Variants in MTMR1 observed in about 807,000 individuals in gnomAD.
The protein encoded by MTMR1 is myotubularin related protein 1.
A neutral mutation model predicts 51.6 loss-of-function variants in MTMR1; 17 were observed. That is an observed-to-expected ratio of 0.33 (90% CI 0.23 to 0.49). The LOEUF is 0.49. MTMR1 is among the 20% of genes least tolerant of loss of function. The pLI is 0.99. For synonymous variants in MTMR1, 201 were observed against 205.6 expected (o/e 0.98, Z 0.19); for missense variants, 386 against 526.9 (o/e 0.73, Z 2.62).
chrX:150,706,632 A>T (rs2041114906), intron 2 of MTMR1, among the ~76,000 whole-genome samples: 1 of 112,293 alleles, frequency 8.9e-6, no homozygotes, highest in African/African-American at 3.2e-5. Context: ...ATTAATGGAG[A>T]CACACAGTGT....
At chrX:150,736,450 C>T in intron 10 of MTMR1, 145 bp from the exon 11 acceptor site, 1 of 472,801 alleles carries the variant, frequency 2.1e-6, no homozygotes, top group Admixed American at 4.2e-5. Flanking sequence ...CTTTTTCCAG[C>T]AGCCCTAGGA....
chrX:150,729,051 C>T (rs1557416877), intron 6 of MTMR1, among the ~76,000 whole-genome samples: 3 of 110,278 alleles, frequency 2.7e-5, no homozygotes, highest in Non-Finnish European at 5.7e-5. Flanking sequence ...TCTCATGACG[C>T]TTGAGTATCT....
rs1180141387 is a variant in MTMR1 at position 150,756,903 on chromosome X, G to A, written c.1857+1038G>A. On this transcript the variant is annotated intron_variant, in intron 15 of 15. Transcript: ENST00000445323. ...TGACCTCAAGTGATCCGCCCGCCTCGGCCTCCCAAAGTGCTGGGATTATGG... is the reference window on the plus strand; with the variant it reads ...TGACCTCAAGTGATCCGCCCGCCTCAGCCTCCCAAAGTGCTGGGATTATGG... 3.6e-5 allele frequency among the ~76,000 whole-genome samples: 4 copies of A among 111,925 alleles called. No homozygotes were observed. In the East Asian group the frequency reaches 8.4e-4, roughly 24 times the overall value.
intron 2 of MTMR1, among the ~76,000 whole-genome samples, chrX:150,703,881 A>AT (rs112350531): frequency 0.41 from 45,517 of 109,691 alleles, 7,392 homozygotes; most frequent in South Asian, 0.59. Flanking sequence ...CAGCAATTAA[A>AT]TTTTTTTAAA....
rs782136965 is a variant in MTMR1 at position 150,747,529 on chromosome X, A to G, written c.1566+3076A>G. Among the ~76,000 whole-genome samples the G allele has an allele frequency of 4.5e-5, 5 of 112,055 alleles. No homozygotes were observed. The South Asian group carries it at 1.9e-3, about 42-fold the overall frequency. On this transcript the variant is annotated intron_variant, in intron 13 of 15. Transcript: ENST00000445323. ...ATGTATTTTCGGAAATCGTACTTTT[A>G]GGTAAAAGGTACAGTTTCCAGGAGA...
At chrX:150,708,304 A>C (rs1274991575) in intron 2 of MTMR1, among the ~76,000 whole-genome samples, 1 of 111,978 alleles carries the variant, frequency 8.9e-6, no homozygotes, top group Non-Finnish European at 1.9e-5. Flanking sequence ...TTTAAAGTTT[A>C]ATTTTAAATA....
At chrX:150,757,225 C>G (rs916308605) in intron 15 of MTMR1, among the ~76,000 whole-genome samples, 2 of 112,178 alleles carry the variant, frequency 1.8e-5, no homozygotes, top group Non-Finnish European at 3.8e-5. Flanking sequence ...ACTATAGTAC[C>G]CCGGCCTGCC....
Position 150,702,159 on chromosome X carries a change from C to T in MTMR1, c.252+2859C>T, listed in dbSNP as rs222402. ...CTGGTCTTGAACTCCTGGGCTCGAG[C>T]GATCCTCCCATCTCGGCCTCCCAAA... On this transcript the variant is annotated intron_variant, in intron 2 of 15. Coordinates refer to ENST00000445323, the MANE Select transcript of MTMR1 (RefSeq NM_001306144.3). Among the ~76,000 whole-genome samples the T allele has an allele frequency of 5.1e-3, 536 of 104,683 alleles. 8 individuals carry two copies. The highest frequency in any genetic ancestry group is 0.018 in the African/African-American group (517 of 28,446). The allele number at this position is 104,683 out of a possible 115,157, so 90.9% of individuals were successfully genotyped here.
intron 2 of MTMR1, among the ~76,000 whole-genome samples, chrX:150,702,048 C>T (rs782457162): frequency 1.0e-4 from 11 of 108,301 alleles, no homozygotes; most frequent in Non-Finnish European, 1.7e-4. Context: ...CACTGCTTTT[C>T]GATCTTTTTT....
intron 15 of MTMR1, among the ~76,000 whole-genome samples, chrX:150,761,726 T>A (rs782432940): frequency 3.6e-5 from 4 of 111,960 alleles, no homozygotes; most frequent in Non-Finnish European, 5.7e-5. Context: ...CTCACTCTGG[T>A]CAGCCTTGCC....
chrX:150,760,778 G>A (rs1218686751), intron 15 of MTMR1, among the ~76,000 whole-genome samples: 1 of 110,138 alleles, frequency 9.1e-6, no homozygotes, highest in Non-Finnish European at 1.9e-5. Flanking sequence ...ACAAAAATTA[G>A]CCAGACACAG....
chrX:150,761,644 AT>A (rs1336728315), intron 15 of MTMR1, among the ~76,000 whole-genome samples: 1 of 112,362 alleles, frequency 8.9e-6, no homozygotes, highest in Non-Finnish European at 1.9e-5. Context: ...TACACATGGG[AT>A]CAGAGACAAG....
At chrX:150,706,236 G>A (rs898085455) in intron 2 of MTMR1, among the ~76,000 whole-genome samples, 8 of 110,998 alleles carry the variant, frequency 7.2e-5, no homozygotes, top group Non-Finnish European at 1.1e-4. Flanking sequence ...TCCCAATTAC[G>A]TTCCAAAGGC....
chrX:150,723,083 A>T (rs1306064414), intron 4 of MTMR1, among the ~76,000 whole-genome samples: 1 of 99,266 alleles, frequency 1.0e-5, no homozygotes, highest in African/African-American at 3.8e-5. Context: ...ATTCCCATCT[A>T]TGAGTGAGAA....
intron 4 of MTMR1, among the ~76,000 whole-genome samples, chrX:150,725,341 T>A (rs1311604872): frequency 8.9e-6 from 1 of 112,063 alleles, no homozygotes; most frequent in African/African-American, 3.2e-5. Context: ...CTATTGTGAA[T>A]GGGATTGCAT....
chrX:150,694,192 G>A (rs1170994324), intron 1 of MTMR1, among the ~76,000 whole-genome samples: 1 of 109,074 alleles, frequency 9.2e-6, no homozygotes, highest in Non-Finnish European at 1.9e-5. Flanking sequence ...GGTGCAGATC[G>A]AGGCAAAAAT....
intron 2 of MTMR1, among the ~76,000 whole-genome samples, chrX:150,702,209 A>G (rs782193938): frequency 2.8e-4 from 30 of 108,685 alleles, no homozygotes; most frequent in Non-Finnish European, 4.8e-4. Context: ...GGTGTGAGCC[A>G]CCATACCCAG....
chrX:150,698,680 GCACACACACACA>G (rs1214335904), intron 1 of MTMR1, among the ~76,000 whole-genome samples: 10 of 62,989 alleles, frequency 1.6e-4, no homozygotes, highest in Non-Finnish European at 2.3e-4. Flanking sequence ...ACACGCGCGC[GCACACACACACA>G]CACACACACA....
chrX:150,730,598 A>G lies in MTMR1; in HGVS notation c.731A>G (p.Tyr244Cys). ...AAAGTTTATGATCCAGTATCTGAAT[A>G]TAAGAGACAGGTAAAGTATATTGCT... ...GWKVYDPVSE[Y>C]KRQGLPNESW... The change falls in exon 8 of 16, where the codon TAT (tyrosine) becomes TGT (cysteine). Residue 244 changes from tyrosine to cysteine, a missense_variant. Tyr to Cys is a radical substitution (Grantham distance 194, BLOSUM62 -2). Transcript: ENST00000445323. The G allele has an allele frequency of 9.1e-7, 1 of 1,104,274 alleles. No homozygotes were observed. Among genetic ancestry groups the G allele is most frequent in the Non-Finnish European group, 1.2e-6 (1 of 816,511 alleles). 91.0% of individuals were successfully genotyped at this position (1,104,274 alleles called of 1,213,427 possible). A position where few individuals can be genotyped will look rare whatever the true frequency, so the allele number is the denominator to read the frequency against.
Sources: allele counts gnomAD v4.1 joint callset (sites outside exome capture counted in the v4.1 genomes callset), GRCh38; gene constraint gnomAD v4.1.1; transcripts MANE v1.5; gene names NCBI Gene and HGNC (gene_info 2026-07-23, HGNC 2026-07-21).